Variants in XRRA1 observed in about 807,000 individuals in gnomAD.
XRRA1 encodes the protein X-ray radiation resistance-associated protein 1.
XRRA1 carries 69 observed loss-of-function variants against 80.2 expected under a neutral mutation model. The observed-to-expected ratio is 0.86, with a 90% CI of 0.71 to 1.05. The LOEUF (loss-of-function observed/expected upper bound fraction) is 1.05, where lower values mean the gene tolerates loss of function less well. Ranked by LOEUF, XRRA1 falls within the 50% of genes least tolerant of loss-of-function variation. XRRA1 has a pLI of 0.00. For synonymous variants in XRRA1, 348 were observed against 389.9 expected (o/e 0.89, Z 1.27); for missense variants, 967 against 976.4 (o/e 0.99, Z 0.13).
intron 10 of XRRA1, among the ~76,000 whole-genome samples, chr11:74,884,252 A>G (rs1368084161): frequency 1.3e-5 from 2 of 152,160 alleles, no homozygotes; most frequent in Admixed American, 6.5e-5. Context: ...TGCACAGGGG[A>G]ATGTCAGCAG....
chr11:74,843,383 C>T lies in XRRA1; in HGVS notation c.2220G>A (p.Leu740=). 1.2e-6 allele frequency: 2 copies of T among 1,612,438 alleles called. No individual in the cohort carries two copies. The highest frequency in any genetic ancestry group is 8.5e-7 in the Non-Finnish European group (1 of 1,179,282). ...NHKQYLEAKR[L]LKEFQARYRQ... is the part of the protein sequence containing the mutation. ...GGTAACGTGCCTGGAACTCCTTCAACAGCCTCTTGGCCTCCAGGTACTGCT... is the reference window on the plus strand; with the variant it reads ...GGTAACGTGCCTGGAACTCCTTCAATAGCCTCTTGGCCTCCAGGTACTGCT... The change falls in exon 19 of 19, where the codon CTG becomes CTA. Residue 740 remains leucine, a synonymous_variant. Coordinates refer to ENST00000684022, the MANE Select transcript of XRRA1 (RefSeq NM_001378157.1).
chr11:74,910,016 T>TA (rs2055499437), intron 8 of XRRA1: 1 of 152,336 alleles, frequency 6.6e-6, no homozygotes, highest in Non-Finnish European at 1.5e-5. Flanking sequence ...CCTCTATCTG[T>TA]ATGGTAAAGG....
At chr11:74,892,091 C>G (rs1034071450) in intron 10 of XRRA1, among the ~76,000 whole-genome samples, 1 of 152,062 alleles carries the variant, frequency 6.6e-6, no homozygotes, top group African/African-American at 2.4e-5. Flanking sequence ...GAGCCCGCAT[C>G]GCCAAGTCAA....
chr11:74,904,544 T>C (rs956508024), intron 10 of XRRA1, among the ~76,000 whole-genome samples: 5 of 150,840 alleles, frequency 3.3e-5, no homozygotes, highest in African/African-American at 1.2e-4. Flanking sequence ...AGTGAAAAGA[T>C]TGGAATTGAA....
chr11:74,897,623 T>C (rs1487380071), intron 10 of XRRA1, among the ~76,000 whole-genome samples: 1 of 146,672 alleles, frequency 6.8e-6, no homozygotes, highest in Non-Finnish European at 1.5e-5. Flanking sequence ...CAACATACAA[T>C]GGAGCACCAA....
intron 14 of XRRA1, among the ~76,000 whole-genome samples, chr11:74,850,468 C>T (rs1298965371): frequency 6.6e-6 from 1 of 152,148 alleles, no homozygotes; most frequent in East Asian, 1.9e-4. Context: ...GAGGGGGTGG[C>T]AAGGAAACAT....
At chr11:74,882,947 G>T (rs1371456696) in intron 10 of XRRA1, among the ~76,000 whole-genome samples, 1 of 152,214 alleles carries the variant, frequency 6.6e-6, no homozygotes, top group Non-Finnish European at 1.5e-5. Context: ...GTCTGCAGAG[G>T]TTACTGCTGT....
At chr11:74,911,687 C>T (rs1366332346) in intron 8 of XRRA1, among the ~76,000 whole-genome samples, 1 of 152,200 alleles carries the variant, frequency 6.6e-6, no homozygotes, top group Non-Finnish European at 1.5e-5. Context: ...GCACTACAGG[C>T]ACACACCACC....
chr11:74,948,008 C>T lies in XRRA1; in HGVS notation c.-73+920G>A, dbSNP rs985727897. Among the ~76,000 whole-genome samples the T allele has an allele frequency of 5.3e-5, 8 of 152,224 alleles. No homozygotes were observed. The East Asian group carries it at 5.8e-4, about 11-fold the overall frequency. Reference sequence around the variant, plus strand: ...GATTACAACCATGAGCCCCCACGCCCGGCCGAGATAATTATTTTCACATGA... The same window carrying T: ...GATTACAACCATGAGCCCCCACGCCTGGCCGAGATAATTATTTTCACATGA... On this transcript the variant is annotated intron_variant, in intron 1 of 18. Coordinates refer to ENST00000684022, the MANE Select transcript of XRRA1 (RefSeq NM_001378157.1).
chr11:74,934,002 C>CATTA (rs2139604130), intron 4 of XRRA1, 130 bp from the exon 5 acceptor site: 1 of 756,580 alleles, frequency 1.3e-6, no homozygotes, highest in Non-Finnish European at 2.1e-6. Flanking sequence ...TTCATTCATT[C>CATTA]ATTCATTCAT....
intron 9 of XRRA1, 118 bp downstream of exon 9, chr11:74,907,027 A>T: frequency 7.3e-7 from 1 of 1,369,332 alleles, no homozygotes; most frequent in Non-Finnish European, 1.0e-6. Flanking sequence ...CACACAGTAG[A>T]GATAAATTGT....
intron 6 of XRRA1, among the ~76,000 whole-genome samples, chr11:74,928,371 T>C (rs1204333213): frequency 6.6e-6 from 1 of 152,214 alleles, no homozygotes; most frequent in African/African-American, 2.4e-5. Context: ...TCCCTGTGTG[T>C]AGTGATTCCT....
At chr11:74,871,639 C>A (rs2044799227) in intron 10 of XRRA1, among the ~76,000 whole-genome samples, 1 of 152,072 alleles carries the variant, frequency 6.6e-6, no homozygotes, top group East Asian at 1.9e-4. Flanking sequence ...TTATTTAGGG[C>A]CCCCTCCAAC....
At chr11:74,886,044 G>GAAT (rs2048943314) in intron 10 of XRRA1, among the ~76,000 whole-genome samples, 2 of 152,198 alleles carry the variant, frequency 1.3e-5, no homozygotes, top group East Asian at 3.9e-4. Context: ...AATAAACTAG[G>GAAT]CATTTAAGGA....
At chr11:74,855,303 G>T (rs1167467864) in intron 12 of XRRA1, among the ~76,000 whole-genome samples, 1 of 152,208 alleles carries the variant, frequency 6.6e-6, no homozygotes, top group African/African-American at 2.4e-5. Flanking sequence ...AATCACTAAA[G>T]AATGGGAGAT....
chr11:74,944,139 G>T (rs1171632966), intron 2 of XRRA1, among the ~76,000 whole-genome samples: 1 of 152,190 alleles, frequency 6.6e-6, no homozygotes, highest in South Asian at 2.1e-4. Context: ...TCTTTCATCA[G>T]TATTTCTTTC....
chr11:74,896,149 A>G (rs1373448988), intron 10 of XRRA1, among the ~76,000 whole-genome samples: 3 of 152,256 alleles, frequency 2.0e-5, no homozygotes, highest in East Asian at 1.9e-4. Flanking sequence ...GCAGAGGGAA[A>G]AGTAAAAGAG....
intron 10 of XRRA1, among the ~76,000 whole-genome samples, chr11:74,880,952 G>C (rs1349612131): frequency 2.0e-5 from 3 of 147,968 alleles, no homozygotes; most frequent in South Asian, 4.5e-4. Context: ...ATTTGGGGTG[G>C]AGAGTTCTGT....
At chr11:74,886,779 A>G (rs907249424) in intron 10 of XRRA1, among the ~76,000 whole-genome samples, 1 of 152,244 alleles carries the variant, frequency 6.6e-6, no homozygotes, top group African/African-American at 2.4e-5. Flanking sequence ...AGCAAAAAGA[A>G]CAGAGCTGGA....
Sources: gnomAD v4.1 joint callset for allele counts (sites outside exome capture counted in the v4.1 genomes callset) on GRCh38, gnomAD v4.1.1 for gene constraint, MANE v1.5 for transcripts, NCBI Gene and HGNC (gene_info 2026-07-23, HGNC 2026-07-21) for gene names.